ME3: variants seen among roughly 807,000 people sequenced by gnomAD.
The protein encoded by ME3 is malic enzyme 3.
ME3 carries 48 observed loss-of-function variants against 68.9 expected under a neutral mutation model. That is an observed-to-expected ratio of 0.70 (90% CI 0.55 to 0.89). ME3 has a LOEUF of 0.89. Among genes scored for constraint, ME3 ranks in the 40% least tolerant of loss-of-function variants. ME3 has a pLI of 0.00. For synonymous variants in ME3, 320 were observed against 318.8 expected (o/e 1.00, Z -0.04); for missense variants, 675 against 797.4 (o/e 0.85, Z 1.85).
At chr11:86,490,699 A>G (rs1403768454) in intron 6 of ME3, among the ~76,000 whole-genome samples, 2 of 152,220 alleles carry the variant, frequency 1.3e-5, no homozygotes, top group African/African-American at 4.8e-5. Context: ...CATAAAAATG[A>G]CTGAAAATAG....
At chr11:86,524,933 C>G (rs115802729) in intron 4 of ME3, among the ~76,000 whole-genome samples, 24 of 152,076 alleles carry the variant, frequency 1.6e-4, no homozygotes, top group African/African-American at 5.6e-4. Context: ...ACAAATCCCT[C>G]GAAAGGAAGG....
intron 2 of ME3, among the ~76,000 whole-genome samples, chr11:86,607,151 A>G (rs1275775303): frequency 6.6e-6 from 1 of 152,162 alleles, no homozygotes; most frequent in Non-Finnish European, 1.5e-5. Flanking sequence ...AAACAATTCC[A>G]TCAACTTAAC....
chr11:86,484,470 T>G (rs1032677244), intron 7 of ME3, among the ~76,000 whole-genome samples: 1 of 152,168 alleles, frequency 6.6e-6, no homozygotes, highest in African/African-American at 2.4e-5. Flanking sequence ...ATGTTTTCTG[T>G]TTAATGACAC....
At chr11:86,620,236 T>C (rs1470710536) in intron 2 of ME3, among the ~76,000 whole-genome samples, 1 of 152,232 alleles carries the variant, frequency 6.6e-6, no homozygotes, top group East Asian at 1.9e-4. Context: ...GAAACAATCT[T>C]ATCAATGACT....
chr11:86,624,626 G>T (rs1278853861), intron 2 of ME3, among the ~76,000 whole-genome samples: 3 of 152,202 alleles, frequency 2.0e-5, no homozygotes, highest in African/African-American at 7.2e-5. Context: ...AATAGCCTAT[G>T]TGGAAAACTT....
intron 2 of ME3, among the ~76,000 whole-genome samples, chr11:86,662,897 T>C (rs1161838023): frequency 6.6e-6 from 1 of 152,224 alleles, no homozygotes; most frequent in Admixed American, 6.5e-5. Flanking sequence ...CACTGTACAC[T>C]TGGCAATCCC....
chr11:86,488,083 G>C (rs576791582), intron 6 of ME3, among the ~76,000 whole-genome samples: 3 of 152,136 alleles, frequency 2.0e-5, no homozygotes, highest in Admixed American at 2.0e-4. Flanking sequence ...AGGAGGCTGC[G>C]GCAGGAGGCT....
chr11:86,544,335 A>G (rs1468634176), intron 4 of ME3, among the ~76,000 whole-genome samples: 1 of 152,222 alleles, frequency 6.6e-6, no homozygotes, highest in African/African-American at 2.4e-5. Flanking sequence ...AGAGACACAA[A>G]AAAAATTCAA....
intron 5 of ME3, among the ~76,000 whole-genome samples, chr11:86,499,301 C>T (rs776922215): frequency 6.6e-6 from 1 of 152,138 alleles, no homozygotes; most frequent in Non-Finnish European, 1.5e-5. Flanking sequence ...CCTTGAATGT[C>T]TAGCCAAGGA....
downstream of ME3, chr11:86,436,643 T>G (rs1948899105): frequency 6.6e-6 from 1 of 152,154 alleles, no homozygotes; most frequent in African/African-American, 2.4e-5. Context: ...CTCTCACATT[T>G]AGGTCTGTGA....
chr11:86,550,158 G>A (rs1049933736), intron 4 of ME3, among the ~76,000 whole-genome samples: 2 of 152,180 alleles, frequency 1.3e-5, no homozygotes, highest in Non-Finnish European at 2.9e-5. Context: ...GCACAGCCGG[G>A]ACTGAGAATT....
chr11:86,493,014 G>T (rs1952092277), intron 6 of ME3, among the ~76,000 whole-genome samples: 1 of 152,184 alleles, frequency 6.6e-6, no homozygotes, highest in Non-Finnish European at 1.5e-5. Flanking sequence ...GGGAAACTCA[G>T]CTAAGCCTGG....
chr11:86,457,685 T>C (rs1388421247), intron 8 of ME3: 5 of 1,287,534 alleles, frequency 3.9e-6, no homozygotes, highest in African/African-American at 1.5e-5. Context: ...GAGAAGCCCA[T>C]GGGTCCAGGG....
chr11:86,670,454 C>A (rs1027845957), intron 2 of ME3, among the ~76,000 whole-genome samples: 3 of 152,158 alleles, frequency 2.0e-5, no homozygotes, highest in Non-Finnish European at 2.9e-5. Flanking sequence ...ATAAAGGAGC[C>A]TTTGTGTGCT....
At chr11:86,587,441 G>A (rs184575344) in intron 2 of ME3, among the ~76,000 whole-genome samples, 1 of 152,312 alleles carries the variant, frequency 6.6e-6, no homozygotes, top group African/African-American at 2.4e-5. Context: ...CACTGTTCCA[G>A]ATGGGTGGGT....
intron 4 of ME3, 66 bp downstream of exon 4, chr11:86,556,487 G>T (rs1188331145): frequency 1.3e-6 from 2 of 1,539,480 alleles, no homozygotes; most frequent in African/African-American, 1.4e-5. Flanking sequence ...TGCATGAAGG[G>T]CGGAAAGAAT....
chr11:86,567,239 AAAG>A (rs1957532163), intron 2 of ME3, among the ~76,000 whole-genome samples: 2 of 110,642 alleles, frequency 1.8e-5, no homozygotes, highest in Non-Finnish European at 1.9e-5. Context: ...GAAAGAAAAG[AAAG>A]AAAGGAAGGA....
intron 2 of ME3, among the ~76,000 whole-genome samples, chr11:86,583,552 C>A (rs1054751460): frequency 2.0e-5 from 3 of 152,118 alleles, no homozygotes; most frequent in Non-Finnish European, 4.4e-5. Flanking sequence ...AATAAATAAT[C>A]ACCCAATTAA....
intron 2 of ME3, among the ~76,000 whole-genome samples, chr11:86,561,616 TA>T (rs1210047184): frequency 1.3e-5 from 2 of 152,184 alleles, no homozygotes; most frequent in Non-Finnish European, 2.9e-5. Context: ...ACTCCAACAA[TA>T]AAAAGCTTGG....
Sources: allele counts gnomAD v4.1 joint callset (sites outside exome capture counted in the v4.1 genomes callset), GRCh38; gene constraint gnomAD v4.1.1; transcripts MANE v1.5; gene names NCBI Gene and HGNC (gene_info 2026-07-23, HGNC 2026-07-21).